Variants in CEP131 observed in about 807,000 individuals in gnomAD.
CEP131 encodes the protein centrosomal protein of 131 kDa.
CEP131 carries 99 observed loss-of-function variants against 136.8 expected under a neutral mutation model. The observed-to-expected ratio is 0.72, with a 90% CI of 0.62 to 0.86. The LOEUF (loss-of-function observed/expected upper bound fraction) is 0.86, where lower values mean the gene tolerates loss of function less well. Ranked by LOEUF, CEP131 falls within the 40% of genes least tolerant of loss-of-function variation. The pLI, the probability that CEP131 is intolerant of heterozygous loss-of-function variation, is 0.00. For synonymous variants in CEP131, 646 were observed against 612.7 expected, an observed-to-expected ratio of 1.05 and a Z score of -0.80; for missense variants, 1,459 against 1,463.0, an observed-to-expected ratio of 1.00 and a Z score of 0.04.
intron 21 of CEP131, 96 bp downstream of exon 21, chr17:81,192,222 C>G (rs570087010): frequency 1.7e-6 from 2 of 1,201,918 alleles, no homozygotes; most frequent in African/African-American, 1.5e-5. Context: ...CCCCAGGATG[C>G]CACAGCAGCA....
In CEP131 at chr17:81,189,784, C is replaced by G. The variant is rs199746653; in HGVS notation, c.3228G>C (p.Thr1076=). The G allele has an allele frequency of 9.3e-6, 15 of 1,606,000 alleles. No homozygotes were observed. The African/African-American group carries it at 2.0e-4, about 21-fold the overall frequency. The change falls in exon 26 of 26, where the codon ACG becomes ACC. Residue 1076 remains threonine, a synonymous_variant. Coordinates refer to ENST00000450824, the MANE Select transcript of CEP131 (RefSeq NM_014984.4). ...EELLEQHRRP[T]PSTK ...GCATCCCTGGTCACTTGGTACTTGG[C>G]GTGGGCCTCCTGTGCTGCTCCAGCA... is the stretch of plus-strand genomic sequence containing the variant.
At chr17:81,200,287 C>T (rs747481191) in intron 8 of CEP131, 42 bp downstream of exon 8, 2 of 1,477,118 alleles carry the variant, frequency 1.4e-6, no homozygotes, top group Admixed American at 1.9e-5. Flanking sequence ...CTGGGCCAGA[C>T]CCCCCGGGGG....
intron 2 of CEP131, among the ~76,000 whole-genome samples, chr17:81,213,192 C>G (rs1339943734): frequency 6.6e-6 from 1 of 152,160 alleles, no homozygotes; most frequent in Admixed American, 6.5e-5. Context: ...ACAAAATAAG[C>G]AAACTAGCAT....
At position 81,195,963 on chromosome 17, in the gene CEP131, A is replaced by C; in HGVS notation, c.1900-12T>G. 1 of 1,603,382 alleles carries C rather than the reference A, an allele frequency of 6.2e-7. No individual in the cohort carries two copies. The highest frequency in any genetic ancestry group is 8.5e-7 in the Non-Finnish European group (1 of 1,176,756). ...TTGTCCTCAATCAGCTGTGTTGGGG[A>C]CCGGAGGTGAGGTGCTACACCAAGG... On this transcript the variant is annotated splice_polypyrimidine_tract_variant and intron_variant, in intron 15 of 25. Coordinates refer to ENST00000450824, the MANE Select transcript of CEP131 (RefSeq NM_014984.4).
At chr17:81,216,996 C>G (rs1488232997) in intron 2 of CEP131, among the ~76,000 whole-genome samples, 1 of 152,202 alleles carries the variant, frequency 6.6e-6, no homozygotes, top group Non-Finnish European at 1.5e-5. Flanking sequence ...GACTAAAAAC[C>G]CTAAACTCCA....
At chr17:81,193,080 G>A (rs1020350000) in intron 18 of CEP131, among the ~76,000 whole-genome samples, 4 of 152,236 alleles carry the variant, frequency 2.6e-5, no homozygotes, top group Admixed American at 1.3e-4. Context: ...CCAGGCCCTC[G>A]TGGCACTTTG....
chr17:81,214,271 T>A (rs557700479), intron 2 of CEP131, among the ~76,000 whole-genome samples: 1 of 152,346 alleles, frequency 6.6e-6, no homozygotes, highest in Admixed American at 6.5e-5. Flanking sequence ...TTAAAAATCG[T>A]ACAGTCACGC....
At chr17:81,217,033 A>G (rs944769512) in intron 2 of CEP131, among the ~76,000 whole-genome samples, 14 of 152,270 alleles carry the variant, frequency 9.2e-5, no homozygotes, top group African/African-American at 3.1e-4. Context: ...AACATCGCCC[A>G]GGGAGGGGCA....
chr17:81,207,950 ACC>A (rs1307010019), intron 3 of CEP131, among the ~76,000 whole-genome samples: 1 of 111,726 alleles, frequency 9.0e-6, no homozygotes, highest in Non-Finnish European at 1.9e-5. Flanking sequence ...CACCACACAC[ACC>A]CCATACACAC....
intron 2 of CEP131, among the ~76,000 whole-genome samples, chr17:81,214,702 G>A (rs959126351): frequency 6.6e-6 from 1 of 152,180 alleles, no homozygotes; most frequent in Non-Finnish European, 1.5e-5. Context: ...AGCAGGCCCC[G>A]TGGCACCCTG....
chr17:81,206,615 TTCAC>T lies in CEP131; in HGVS notation c.515+125_515+128del, dbSNP rs529384602. 26 of 1,317,110 alleles carry T rather than the reference TTCAC, an allele frequency of 2.0e-5. No individual in the cohort carries two copies. In the African/African-American group the frequency reaches 2.2e-4, roughly 11 times the overall value. 81.6% of individuals were successfully genotyped at this position (1,317,110 alleles called of 1,614,324 possible). ...TGCCCTTGGGAATGAAAGCCATTCT[TTCAC>T]TCACTCACTCATTCATTCATTCCAA... On this transcript the variant is annotated intron_variant, in intron 5 of 25. Transcript: ENST00000450824.
intron 12 of CEP131, 93 bp downstream of exon 12, chr17:81,198,022 A>G: frequency 6.7e-7 from 1 of 1,483,124 alleles, no homozygotes; most frequent in South Asian, 1.3e-5. Context: ...AGCCTGTGGC[A>G]TCCCCATTTT....
At chr17:81,213,537 C>T (rs921505770) in intron 2 of CEP131, among the ~76,000 whole-genome samples, 9 of 148,918 alleles carry the variant, frequency 6.0e-5, no homozygotes, top group Admixed American at 1.3e-4. Context: ...GCAGCCTGGG[C>T]GACAGCGTGA....
At chr17:81,199,093 G>A in intron 10 of CEP131, 122 bp from the exon 11 acceptor site, 1 of 1,007,418 alleles carries the variant, frequency 9.9e-7, no homozygotes, top group African/African-American at 1.6e-5. Flanking sequence ...AAGCAGAGGA[G>A]CCGCTGGGGA....
rs371644625 is a variant in CEP131, at chr17:81,196,690, G to A, written c.1899+11C>T. Reference sequence around the variant, plus strand: ...CTGGGTCCGGGCCTCTGCGCTCCCCGGGCCGCTCACCTGGTCAATGAAGGC... The same window carrying A: ...CTGGGTCCGGGCCTCTGCGCTCCCCAGGCCGCTCACCTGGTCAATGAAGGC... On this transcript the variant is annotated intron_variant, in intron 15 of 25. Coordinates refer to ENST00000450824, the MANE Select transcript of CEP131 (RefSeq NM_014984.4). The A allele has an allele frequency of 3.4e-5, 54 of 1,599,892 alleles. No homozygotes were observed. Among genetic ancestry groups the A allele is most frequent in the African/African-American group, 1.3e-4 (10 of 74,868 alleles).
chr17:81,198,780 G>T (rs2061824225), intron 11 of CEP131, 97 bp downstream of exon 11: 6 of 1,238,354 alleles, frequency 4.8e-6, no homozygotes, highest in Non-Finnish European at 5.7e-6. Flanking sequence ...TAGAGCAGAG[G>T]AGGGGCTGGG....
Position 81,203,423 on chromosome 17 carries a change from C to G in CEP131, c.629+71G>C. On this transcript the variant is annotated intron_variant, in intron 6 of 25. Coordinates refer to ENST00000450824, the MANE Select transcript of CEP131 (RefSeq NM_014984.4). The surrounding 1 kb of genome is among the most constrained non-coding windows in gnomAD (Gnocchi z 4.6). ...GCGTGCCCTGACCGAGGTCGGACCCCAGGTGCACTGACTACATGCCCTAAC... is the reference window on the plus strand; with the variant it reads ...GCGTGCCCTGACCGAGGTCGGACCCGAGGTGCACTGACTACATGCCCTAAC... 1 of 1,288,634 alleles carries G rather than the reference C, an allele frequency of 7.8e-7. No homozygotes were observed. The highest frequency in any genetic ancestry group is 1.1e-6 in the Non-Finnish European group (1 of 921,422). The allele number at this position is 1,288,634 out of a possible 1,614,324, so 79.8% of individuals were successfully genotyped here.
chr17:81,190,366 T>C (rs921293667), intron 24 of CEP131, among the ~76,000 whole-genome samples: 1 of 152,152 alleles, frequency 6.6e-6, no homozygotes, highest in Non-Finnish European at 1.5e-5. Context: ...CCCCGGGAGC[T>C]GACTCCCTGG....
chr17:81,199,215 G>A lies in CEP131; in HGVS notation c.1192+166C>T, dbSNP rs148919302. Among the ~76,000 whole-genome samples the A allele has an allele frequency of 2.7e-3, 411 of 152,274 alleles. 2 individuals are homozygous for A. Among genetic ancestry groups the A allele is most frequent in the Middle Eastern group, 6.8e-3 (2 of 294 alleles). ...AGGACCATTTGATTGTCAAGGTCTC[G>A]GCACCCTCGTCAGGTCAGCTGGGGG... On this transcript the variant is annotated intron_variant, in intron 10 of 25. Transcript: ENST00000450824.
Sources: gnomAD v4.1 joint callset for allele counts (sites outside exome capture counted in the v4.1 genomes callset) on GRCh38, gnomAD v4.1.1 for gene constraint, Gnocchi (gnomAD v3.1) non-coding constraint, MANE v1.5 for transcripts, NCBI Gene and HGNC (gene_info 2026-07-23, HGNC 2026-07-21) for gene names.